POLE: variants seen among roughly 807,000 people sequenced by gnomAD.
The protein encoded by POLE is DNA polymerase epsilon, catalytic subunit, also known as DNA polymerase epsilon catalytic subunit A.
In POLE, 188 loss-of-function variants were observed where a neutral mutation model predicts 279.2. The ratio of observed to expected loss-of-function variants is 0.67; its 90% CI spans 0.60 to 0.76. The LOEUF (loss-of-function observed/expected upper bound fraction) is 0.76. Ranked by LOEUF, POLE falls within the 30% of genes least tolerant of loss-of-function variation. POLE has a pLI of 0.00. For missense variants in POLE, 2,703 were observed against 3,016.7 expected, an observed-to-expected ratio of 0.90 and a Z score of 2.44; for synonymous variants, 1,214 against 1,172.5, an observed-to-expected ratio of 1.04 and a Z score of -0.72.
At position 132,624,758 on chromosome 12, in the gene POLE, A is replaced by G; in HGVS notation, c.6800T>C (p.Met2267Thr). The G allele has an allele frequency of 6.2e-7, 1 of 1,613,950 alleles. No homozygotes were observed. The highest frequency in any genetic ancestry group is 8.5e-7 in the Non-Finnish European group (1 of 1,179,824). The change falls in exon 49 of 49, where the codon ATG (methionine) becomes ACG (threonine). Residue 2267 changes from methionine (M) to threonine (T), a missense_variant. This residue lies in a region of POLE where 1,551 missense variants were observed against 1,686.1 expected (regional missense o/e 0.92). Coordinates refer to ENST00000320574, the MANE Select transcript of POLE (RefSeq NM_006231.4). ...IFRNIAQHYG[M>T]SYLLETLEWL... ...CTCCAGGGTCTCCAGGAGGTACGAC[A>G]TGCCGTAGTGCTGGGCAATGTTCCG...
intron 1 of POLE, among the ~76,000 whole-genome samples, chr12:132,685,377 C>A (rs1565984632): frequency 1.3e-5 from 2 of 152,342 alleles, no homozygotes; most frequent in East Asian, 1.9e-4. Context: ...TCCCAGTACT[C>A]CACATATGCT....
intron 45 of POLE, among the ~76,000 whole-genome samples, chr12:132,628,155 A>G (rs1378547574): frequency 6.6e-6 from 1 of 151,228 alleles, no homozygotes; most frequent in Non-Finnish European, 1.5e-5. Flanking sequence ...CATCCTGGCT[A>G]ACATGGTGAA....
chr12:132,676,329 G>A lies in POLE; in HGVS notation c.910-125C>T, dbSNP rs1404527040. ...CAAAGAAGTCCACAGCAATGTGAAAGTGCTTTAAGCTTCCTGAGAAGAGAC... is the reference window on the plus strand; with the variant it reads ...CAAAGAAGTCCACAGCAATGTGAAAATGCTTTAAGCTTCCTGAGAAGAGAC... On this transcript the variant is annotated intron_variant, in intron 9 of 48. Transcript: ENST00000320574. The A allele has an allele frequency of 4.0e-6, 3 of 758,016 alleles. No homozygotes were observed. The Admixed American group carries it at 7.4e-5, about 19-fold the overall frequency. 47.0% of individuals were successfully genotyped at this position (758,016 alleles called of 1,614,324 possible). A position where few individuals can be genotyped will look rare whatever the true frequency, so the allele number is the denominator to read the frequency against.
chr12:132,634,672 G>A lies in POLE; in HGVS notation c.5812-294C>T, dbSNP rs1300029638. Among the ~76,000 whole-genome samples, 1 of 152,108 alleles carries A rather than the reference G, an allele frequency of 6.6e-6. No individual in the cohort carries two copies. Among genetic ancestry groups the A allele is most frequent in the Non-Finnish European group, 1.5e-5 (1 of 68,000 alleles). On this transcript the variant is annotated intron_variant, in intron 42 of 48. Coordinates refer to ENST00000320574, the MANE Select transcript of POLE (RefSeq NM_006231.4). This position sits in a 1 kb window ranked among gnomAD's most constrained non-coding sequence, Gnocchi z 4.0. ...TGTTGAACTCCCACCCCCCAAGGAC[G>A]AAAGAACCAGCCAGAGCTTCCCGGT...
At chr12:132,641,987 C>T in intron 38 of POLE, 136 bp from the exon 39 acceptor site, 1 of 959,706 alleles carries the variant, frequency 1.0e-6, no homozygotes, top group Admixed American at 2.1e-5. Context: ...ACCTGCCAGG[C>T]TATTCAGATT....
At chr12:132,625,174 C>T (rs2041807635) in intron 47 of POLE, 180 bp from the exon 48 acceptor site, 3 of 682,676 alleles carry the variant, frequency 4.4e-6, no homozygotes, top group Non-Finnish European at 2.7e-6. Context: ...GGTGCCAGCG[C>T]CTTCCCTACA....
At chr12:132,635,679 C>T (rs193239870) in intron 42 of POLE, among the ~76,000 whole-genome samples, 106 of 152,380 alleles carry the variant, frequency 7.0e-4, no homozygotes, top group African/African-American at 1.8e-3. Context: ...CTGTTGCCCA[C>T]GGCAAGCCTT....
At chr12:132,680,998 G>T in intron 2 of POLE, 140 bp downstream of exon 2, 1 of 987,434 alleles carries the variant, frequency 1.0e-6, no homozygotes. Context: ...AAAGAGGAAA[G>T]GAGAGCTGGG....
rs1593727501 is a variant in POLE at position 132,641,688 on chromosome 12, CG to C, written c.5336del (p.Pro1779ArgfsTer17). ...MITGGQAASA[P>X]ASYDETALCS... ...ACAGGGCTGTCTCATCGTAGCTGGCCGGGGCACTGGCAGCCTGACCACCCGT... is the reference window on the plus strand; with the variant it reads ...ACAGGGCTGTCTCATCGTAGCTGGCCGGGCACTGGCAGCCTGACCACCCGT... On this transcript the variant is annotated frameshift_variant, in exon 39 of 49. Coordinates refer to ENST00000320574, the MANE Select transcript of POLE (RefSeq NM_006231.4). LOFTEE classifies it high-confidence loss of function. 6.2e-7 allele frequency: 1 copy of C among 1,613,964 alleles called. No individual in the cohort carries two copies. The highest frequency in any genetic ancestry group is 8.5e-7 in the Non-Finnish European group (1 of 1,180,018).
At chr12:132,640,955 G>C (rs1354040769) in intron 39 of POLE, 1 of 456,410 alleles carries the variant, frequency 2.2e-6, no homozygotes. Flanking sequence ...TTTGTATGGA[G>C]TCATTAAAAC....
chr12:132,665,523 T>C (rs2042777513), intron 20 of POLE, 73 bp from the exon 21 acceptor site: 1 of 1,481,994 alleles, frequency 6.7e-7, no homozygotes, highest in South Asian at 1.3e-5. Flanking sequence ...ATAGCCCAGG[T>C]TTTTAGTATT....
chr12:132,686,505 C>A lies in POLE; in HGVS notation c.62+749G>T, dbSNP rs146792640. 6.6e-5 allele frequency among the ~76,000 whole-genome samples: 10 copies of A among 152,032 alleles called. No individual in the cohort carries two copies. The East Asian group carries it at 1.6e-3, about 24-fold the overall frequency. Reference sequence around the variant, plus strand: ...ATCCCAGCACTTTGGAAGGCCGAGGCGGGCGGATCACCTGAGGTCAGGAGT... The same window carrying A: ...ATCCCAGCACTTTGGAAGGCCGAGGAGGGCGGATCACCTGAGGTCAGGAGT... On this transcript the variant is annotated intron_variant, in intron 1 of 48. Coordinates refer to ENST00000320574, the MANE Select transcript of POLE (RefSeq NM_006231.4).
chr12:132,659,590 C>T, intron 25 of POLE, 81 bp from the exon 26 acceptor site: 1 of 1,201,732 alleles, frequency 8.3e-7, no homozygotes, highest in Non-Finnish European at 1.2e-6. Flanking sequence ...TCCTCTAGGC[C>T]ATGCCCTTCT....
At chr12:132,647,691 T>C (rs1036411985) in intron 32 of POLE, among the ~76,000 whole-genome samples, 2 of 151,996 alleles carry the variant, frequency 1.3e-5, no homozygotes, top group Non-Finnish European at 2.9e-5. Flanking sequence ...CGAGATGAGC[T>C]GATAGTCATA....
At position 132,668,445 on chromosome 12, in the gene POLE, A is replaced by T. The variant is rs754857680; in HGVS notation, c.2084T>A (p.Phe695Tyr). ...RIQHQLESEKFPPLFPEGPAR... is the reference protein window; with the variant it reads ...RIQHQLESEKYPPLFPEGPAR... The stretch of plus-strand genomic sequence containing the variant: ...TGGCCCCTCTGGGAACAAGGGGGGG[A>T]ACTTCTCTGACTCCAGCTGGTGCTG... Residue 695 changes from phenylalanine (F) to tyrosine (Y), a missense_variant, in exon 19 of 49, where the codon TTC becomes TAC. By Grantham distance (22) the Phe-to-Tyr change is conservative (BLOSUM62 3). This residue lies in a region of POLE where 1,011 missense variants were observed against 1,111.7 expected (regional missense o/e 0.91). Coordinates refer to ENST00000320574, the MANE Select transcript of POLE (RefSeq NM_006231.4). The surrounding 1 kb of genome is among the most constrained non-coding windows in gnomAD (Gnocchi z 4.0). 1 of 1,611,280 alleles carries T rather than the reference A, an allele frequency of 6.2e-7. No individual in the cohort carries two copies. The highest frequency in any genetic ancestry group is 1.1e-5 in the South Asian group (1 of 90,704).
chr12:132,665,866 A>C lies in POLE; in HGVS notation c.2320-416T>G, dbSNP rs562376023. ...TTAAGGAACAAAAGCAAATTCCTTA[A>C]GATAATTACTGAGTGCCTAGTATGT... On this transcript the variant is annotated intron_variant, in intron 20 of 48. Transcript: ENST00000320574. Among the ~76,000 whole-genome samples the C allele has an allele frequency of 1.8e-3, 268 of 152,368 alleles. 2 individuals are homozygous for C. The highest frequency in any genetic ancestry group is 6.2e-3 in the African/African-American group (258 of 41,588).
chr12:132,628,905 T>C (rs2041886420), intron 45 of POLE, among the ~76,000 whole-genome samples: 3 of 152,212 alleles, frequency 2.0e-5, no homozygotes, highest in Non-Finnish European at 4.4e-5. Context: ...CCTGTTAATG[T>C]TGATATTTTG....
intron 41 of POLE, among the ~76,000 whole-genome samples, chr12:132,636,690 G>C (rs945942177): frequency 6.6e-6 from 1 of 152,134 alleles, no homozygotes; most frequent in African/African-American, 2.4e-5. Flanking sequence ...CAGAGTTTGA[G>C]GCCGCAGTGA....
chr12:132,629,239 G>A lies in POLE; in HGVS notation c.6331-2922C>T, dbSNP rs924952684. Among the ~76,000 whole-genome samples, 172 of 152,178 alleles carry A rather than the reference G, an allele frequency of 1.1e-3. 1 individual carries two copies. The highest frequency in any genetic ancestry group is 8.8e-5 in the Non-Finnish European group (6 of 68,042). ...GAAGGAATCTTTTTCTGAGCTGCAG[G>A]TAGTGGCCTTAAAAGACTGAATGAG... On this transcript the variant is annotated intron_variant, in intron 45 of 48. Transcript: ENST00000320574.
Sources: allele counts gnomAD v4.1 joint callset (sites outside exome capture counted in the v4.1 genomes callset), GRCh38; gene constraint gnomAD v4.1.1; regional missense constraint gnomAD v4.1.1; non-coding constraint Gnocchi (gnomAD v3.1); transcripts MANE v1.5; gene names NCBI Gene and HGNC (gene_info 2026-07-23, HGNC 2026-07-21).